Variants in SHC2 observed in about 807,000 individuals in gnomAD.
SHC2 encodes the protein SHC-transforming protein 2.
In SHC2, 62 loss-of-function variants were observed where a neutral mutation model predicts 60.6. The observed-to-expected ratio is 1.02, with a 90% CI of 0.83 to 1.26. SHC2 has a LOEUF of 1.26. Ranked by LOEUF, SHC2 falls within the 50% of genes most tolerant of loss-of-function variation. SHC2 has a pLI of 0.00. For synonymous variants in SHC2, 375 were observed against 372.4 expected, an observed-to-expected ratio of 1.01 and a Z score of -0.08; for missense variants, 873 against 822.2, an observed-to-expected ratio of 1.06 and a Z score of -0.76.
chr19:459,704 A>G (rs1047727734), intron 1 of SHC2, among the ~76,000 whole-genome samples: 10 of 152,158 alleles, frequency 6.6e-5, no homozygotes, highest in African/African-American at 2.4e-4. Context: ...ACACAACCCA[A>G]TGTGAACACA....
intron 4 of SHC2, among the ~76,000 whole-genome samples, chr19:437,638 T>A (rs1298010978): frequency 6.6e-6 from 1 of 151,934 alleles, no homozygotes; most frequent in African/African-American, 2.4e-5. Flanking sequence ...GGGGCAGAGA[T>A]GGAAATTGCG....
intron 1 of SHC2, among the ~76,000 whole-genome samples, chr19:456,358 G>T (rs112452922): frequency 3.4e-4 from 51 of 152,130 alleles, no homozygotes; most frequent in African/African-American, 1.2e-3. Flanking sequence ...CAGGGCCCCT[G>T]GTCCATCAGC....
intron 1 of SHC2, among the ~76,000 whole-genome samples, chr19:451,541 G>A (rs1358061702): frequency 1.3e-5 from 2 of 152,198 alleles, no homozygotes; most frequent in African/African-American, 4.8e-5. Context: ...TTTCTGGGAG[G>A]TATATATCCA....
In SHC2 at chr19:455,957, G is replaced by C. The variant is rs558900243; in HGVS notation, c.468+4572C>G. On this transcript the variant is annotated intron_variant, in intron 1 of 12. Transcript: ENST00000264554. Reference sequence around the variant, plus strand: ...AGGGGCACCTTCACAGAATCCGAGGGTGGATGTGGACACGGGGCCGTTGCT... The same window carrying C: ...AGGGGCACCTTCACAGAATCCGAGGCTGGATGTGGACACGGGGCCGTTGCT... Among the ~76,000 whole-genome samples, 1,001 of 152,168 alleles carry C rather than the reference G, an allele frequency of 6.6e-3. 5 individuals are homozygous for C. The highest frequency in any genetic ancestry group is 0.013 in the African/African-American group (554 of 41,494).
rs535028145 is a variant in SHC2, at chr19:428,627, C to T, written c.1174+2057G>A. Among the ~76,000 whole-genome samples, 9 of 152,332 alleles carry T rather than the reference C, an allele frequency of 5.9e-5. No homozygotes were observed. In the South Asian group the frequency reaches 1.5e-3, roughly 25 times the overall value. On this transcript the variant is annotated intron_variant, in intron 9 of 12. Coordinates refer to ENST00000264554, the MANE Select transcript of SHC2 (RefSeq NM_012435.3). Reference sequence around the variant, plus strand: ...AGGAAAATAACTCAGGAGCCACTGACAGCTAACAGTGGCTGCCTGATCAGG... The same window carrying T: ...AGGAAAATAACTCAGGAGCCACTGATAGCTAACAGTGGCTGCCTGATCAGG...
At position 425,270 on chromosome 19, in the gene SHC2, C is replaced by G; in HGVS notation, c.1175-39G>C. 1 of 1,309,372 alleles carries G rather than the reference C, an allele frequency of 7.6e-7. No homozygotes were observed. The allele number at this position is 1,309,372 out of a possible 1,614,324, so 81.1% of individuals were successfully genotyped here. A position where few individuals can be genotyped will look rare whatever the true frequency, so the allele number is the denominator to read the frequency against. On this transcript the variant is annotated intron_variant, in intron 9 of 12. Coordinates refer to ENST00000264554, the MANE Select transcript of SHC2 (RefSeq NM_012435.3). This position sits in a 1 kb window ranked among gnomAD's most constrained non-coding sequence, Gnocchi z 4.1. ...AGAGGGGCAGGGGGTCAGCTGGGAG[C>G]CAGGCGAGGGGCTCGCAGGGAGCAA...
At chr19:456,943 C>T (rs1975358937) in intron 1 of SHC2, among the ~76,000 whole-genome samples, 1 of 147,586 alleles carries the variant, frequency 6.8e-6, no homozygotes, top group South Asian at 2.1e-4. Flanking sequence ...TGCTGTGCCC[C>T]GCCCCTAGAA....
chr19:436,615 C>T lies in SHC2; in HGVS notation c.774+15G>A. On this transcript the variant is annotated intron_variant, in intron 5 of 12. Coordinates refer to ENST00000264554, the MANE Select transcript of SHC2 (RefSeq NM_012435.3). ...GGCGGCAGGGCTGCAGGTCCACCCC[C>T]ATCCCTGGCCTCACCGTGTCTCCGC... The T allele has an allele frequency of 6.2e-7, 1 of 1,602,396 alleles. No homozygotes were observed. The highest frequency in any genetic ancestry group is 8.5e-7 in the Non-Finnish European group (1 of 1,177,022).
chr19:438,968 A>G lies in SHC2; in HGVS notation c.600+2T>C. 5 of 1,597,424 alleles carry G rather than the reference A, an allele frequency of 3.1e-6. No homozygotes were observed. Among genetic ancestry groups the G allele is most frequent in the Admixed American group, 1.7e-5 (1 of 58,352 alleles). Reference sequence around the variant, plus strand: ...CCACGAGAGACCACAAGCCTCACTCACCTTTTTCTTCCAGGATCCCCGGAC... The same window carrying G: ...CCACGAGAGACCACAAGCCTCACTCGCCTTTTTCTTCCAGGATCCCCGGAC... On this transcript the variant is annotated splice_donor_variant, in intron 3 of 12. Transcript: ENST00000264554. LOFTEE classifies it high-confidence loss of function. This position sits in a 1 kb window ranked among gnomAD's most constrained non-coding sequence, Gnocchi z 5.0.
At position 446,848 on chromosome 19, in the gene SHC2, G is replaced by A. The variant is rs558489972; in HGVS notation, c.469-5916C>T. On this transcript the variant is annotated intron_variant, in intron 1 of 12. Coordinates refer to ENST00000264554, the MANE Select transcript of SHC2 (RefSeq NM_012435.3). This position sits in a 1 kb window ranked among gnomAD's most constrained non-coding sequence, Gnocchi z 5.4. Reference sequence around the variant, plus strand: ...GGGGATGGCACCTGGCCGGCCTCACGCACGCAGCAGGCCAGGGCAGATACA... The same window carrying A: ...GGGGATGGCACCTGGCCGGCCTCACACACGCAGCAGGCCAGGGCAGATACA... Among the ~76,000 whole-genome samples the A allele has an allele frequency of 1.2e-4, 19 of 152,244 alleles. No individual in the cohort carries two copies. Among genetic ancestry groups the A allele is most frequent in the African/African-American group, 4.3e-4 (18 of 41,542 alleles).
intron 2 of SHC2, among the ~76,000 whole-genome samples, chr19:439,886 TGTG>T (rs1333410636): frequency 1.3e-5 from 2 of 150,562 alleles, no homozygotes; most frequent in Non-Finnish European, 3.0e-5. Flanking sequence ...ACTAGCTGGG[TGTG>T]GTGGTGGGCG....
rs887323987 is a variant in SHC2 at position 422,353 on chromosome 19, G to A, written c.1413C>T (p.Arg471=). ...CCTCCGTGGGGGCCACAGGGGCCCGGCGGGTAGGGGGGCTGGGCCACTGGT... is the reference window on the plus strand; with the variant it reads ...CCTCCGTGGGGGCCACAGGGGCCCGACGGGTAGGGGGGCTGGGCCACTGGT... ...LEDQWPSPPT[R]RAPVAPTEEQ... The change falls in exon 11 of 13, where the codon CGC becomes CGT. Residue 471 remains arginine (R), a synonymous_variant. Coordinates refer to ENST00000264554, the MANE Select transcript of SHC2 (RefSeq NM_012435.3). This position sits in a 1 kb window ranked among gnomAD's most constrained non-coding sequence, Gnocchi z 5.0. 1.2e-6 allele frequency: 2 copies of A among 1,606,652 alleles called. No individual in the cohort carries two copies. Among genetic ancestry groups the A allele is most frequent in the African/African-American group, 2.7e-5 (2 of 74,808 alleles).
intron 8 of SHC2, among the ~76,000 whole-genome samples, 170 bp downstream of exon 8, chr19:434,535 AGATT>A (rs1974669408): frequency 4.4e-5 from 1 of 22,504 alleles, no homozygotes; most frequent in Admixed American, 5.0e-4. Context: ...ATTGTGAGTG[AGATT>A]GTGAGTCTGT....
rs113455631 is a variant in SHC2, at chr19:440,882, G to A, written c.519C>T (p.Asn173=). The change falls in exon 2 of 13, where the codon AAC becomes AAT. Residue 173 remains asparagine (N), a synonymous_variant. Coordinates refer to ENST00000264554, the MANE Select transcript of SHC2 (RefSeq NM_012435.3). This position sits in a 1 kb window ranked among gnomAD's most constrained non-coding sequence, Gnocchi z 7.0. The part of the protein sequence containing the change: ...VLRSMRSLDF[N]TRTQVTREAI... The stretch of plus-strand genomic sequence containing the variant: ...CTCACCTGGTCACCTGCGTGCGCGT[G>A]TTAAAGTCCAGGGAGCGCATAGAGC... 8,160 of 1,612,636 alleles carry A rather than the reference G, an allele frequency of 5.1e-3. 33 individuals are homozygous for A. The highest frequency in any genetic ancestry group is 5.8e-3 in the Middle Eastern group (35 of 6,060).
At chr19:419,944 G>A (rs976256430) in intron 11 of SHC2, 5 of 152,208 alleles carry the variant, frequency 3.3e-5, no homozygotes, top group East Asian at 1.9e-4. Context: ...AGCAGTTCCC[G>A]GGTGAGGCTG....
chr19:419,360 A>G (rs1974221439), intron 11 of SHC2: 1 of 331,798 alleles, frequency 3.0e-6, no homozygotes. Context: ...CCTCATTTGG[A>G]AAAAGGTCTT....
In SHC2 at chr19:436,408, G is replaced by A. The variant is rs376382613; in HGVS notation, c.798C>T (p.Tyr266=). Residue 266 remains tyrosine (Y), a synonymous_variant, in exon 6 of 13, where the codon TAC becomes TAT. Coordinates refer to ENST00000264554, the MANE Select transcript of SHC2 (RefSeq NM_012435.3). Reference sequence around the variant, plus strand: ...TCTGGTTGATGGGGTCCTTGGCGACGTAGGCCACGTAATCCGTCATGTCCT... The same window carrying A: ...TCTGGTTGATGGGGTCCTTGGCGACATAGGCCACGTAATCCGTCATGTCCT... ...GDTDMTDYVA[Y]VAKDPINQRA... 5.7e-5 allele frequency: 91 copies of A among 1,595,394 alleles called. No homozygotes were observed. Among genetic ancestry groups the A allele is most frequent in the Admixed American group, 1.2e-4 (7 of 57,530 alleles).
intron 1 of SHC2, among the ~76,000 whole-genome samples, chr19:451,192 ACGT>A (rs1175958085): frequency 1.5e-5 from 2 of 136,204 alleles, no homozygotes; most frequent in African/African-American, 5.4e-5. Context: ...TACCATAGCC[ACGT>A]CATATTTCAG....
chr19:447,886 A>C (rs1196475984), intron 1 of SHC2, among the ~76,000 whole-genome samples: 1 of 152,246 alleles, frequency 6.6e-6, no homozygotes, highest in Non-Finnish European at 1.5e-5. Context: ...AAAAGTGTCC[A>C]TTCACACAAG....
Sources: gnomAD v4.1 joint callset for allele counts (sites outside exome capture counted in the v4.1 genomes callset) on GRCh38, gnomAD v4.1.1 for gene constraint, Gnocchi (gnomAD v3.1) non-coding constraint, MANE v1.5 for transcripts, NCBI Gene and HGNC (gene_info 2026-07-23, HGNC 2026-07-21) for gene names.